PRKG1: variants seen among roughly 807,000 people sequenced by gnomAD.
The protein encoded by PRKG1 is cGMP-dependent protein kinase 1.
A neutral mutation model predicts 88.1 loss-of-function variants in PRKG1; 35 were observed. The ratio of observed to expected loss-of-function variants is 0.40; its 90% CI spans 0.30 to 0.53. PRKG1 has a LOEUF of 0.53. Ranked by LOEUF, PRKG1 falls within the 20% of genes least tolerant of loss-of-function variation. The pLI, the probability that PRKG1 is intolerant of heterozygous loss-of-function variation, is 0.59. For synonymous variants in PRKG1, 303 were observed against 292.5 expected (o/e 1.04, Z -0.37); for missense variants, 540 against 839.8 (o/e 0.64, Z 4.41).
intron 2 of PRKG1, among the ~76,000 whole-genome samples, chr10:51,424,485 G>T (rs1338278817): frequency 2.0e-5 from 3 of 152,038 alleles, no homozygotes; most frequent in African/African-American, 7.2e-5. Flanking sequence ...GTGTTAAAAT[G>T]ATTTGAACTG....
chr10:51,127,299 G>A (rs889761286), intron 1 of PRKG1, among the ~76,000 whole-genome samples: 5 of 151,960 alleles, frequency 3.3e-5, no homozygotes, highest in Non-Finnish European at 7.4e-5. Context: ...GTGGGCAAAG[G>A]ATATGAATAG....
At chr10:51,217,042 T>C (rs374476757) in intron 2 of PRKG1, among the ~76,000 whole-genome samples, 1 of 152,158 alleles carries the variant, frequency 6.6e-6, no homozygotes, top group Non-Finnish European at 1.5e-5. Context: ...CCTGTGCAGA[T>C]AGTCAAATTG....
At chr10:52,154,547 A>T (rs888041780) in intron 8 of PRKG1, among the ~76,000 whole-genome samples, 1 of 152,228 alleles carries the variant, frequency 6.6e-6, no homozygotes, top group African/African-American at 2.4e-5. Flanking sequence ...AATATTTAAG[A>T]TAGAATATTT....
At chr10:52,172,646 T>G (rs930612308) in intron 9 of PRKG1, among the ~76,000 whole-genome samples, 1 of 152,256 alleles carries the variant, frequency 6.6e-6, no homozygotes, top group African/African-American at 2.4e-5. Context: ...CCTTTTCTTC[T>G]TAAGTGAAGG....
At chr10:51,436,662 C>A (rs981945884) in intron 2 of PRKG1, among the ~76,000 whole-genome samples, 1 of 152,028 alleles carries the variant, frequency 6.6e-6, no homozygotes, top group African/African-American at 2.4e-5. Context: ...ATCGCTGTCA[C>A]ATTCTGGATA....
chr10:51,056,764 TA>T (rs1350921126), intron 1 of PRKG1, among the ~76,000 whole-genome samples: 4 of 152,170 alleles, frequency 2.6e-5, no homozygotes, highest in Non-Finnish European at 5.9e-5. Context: ...GTCTGTCTCC[TA>T]TCTGCCTTTC....
intron 4 of PRKG1, among the ~76,000 whole-genome samples, chr10:51,821,451 T>C (rs1257475697): frequency 3.9e-5 from 6 of 152,130 alleles, no homozygotes; most frequent in African/African-American, 9.7e-5. Context: ...GTTGAACTAA[T>C]TTATGCTCCT....
intron 2 of PRKG1, among the ~76,000 whole-genome samples, chr10:51,421,787 C>A (rs2132708203): frequency 6.6e-6 from 1 of 152,134 alleles, no homozygotes; most frequent in East Asian, 1.9e-4. Context: ...GTTATGTTGC[C>A]CACTCATTCT....
intron 3 of PRKG1, among the ~76,000 whole-genome samples, chr10:51,752,454 T>C (rs190681827): frequency 1.3e-5 from 2 of 152,292 alleles, no homozygotes; most frequent in African/African-American, 4.8e-5. Context: ...AAAACTTACA[T>C]AGAATTTTAG....
intron 3 of PRKG1, among the ~76,000 whole-genome samples, chr10:51,472,038 A>C (rs1451771558): frequency 2.0e-5 from 3 of 151,922 alleles, no homozygotes; most frequent in Non-Finnish European, 2.9e-5. Flanking sequence ...AAAAGCCTAC[A>C]AGAAATCTGA....
chr10:51,059,571 A>G (rs1843671524), intron 1 of PRKG1, among the ~76,000 whole-genome samples: 1 of 151,944 alleles, frequency 6.6e-6, no homozygotes, highest in Non-Finnish European at 1.5e-5. Context: ...TTATTTCAAA[A>G]TTTTCAAAAT....
intron 2 of PRKG1, among the ~76,000 whole-genome samples, chr10:51,347,752 C>A (rs914396245): frequency 6.6e-6 from 1 of 151,906 alleles, no homozygotes; most frequent in Non-Finnish European, 1.5e-5. Flanking sequence ...GATTTAGCAC[C>A]GGTTATCAGA....
At chr10:52,078,762 T>C (rs371628043) in intron 7 of PRKG1, among the ~76,000 whole-genome samples, 7 of 152,270 alleles carry the variant, frequency 4.6e-5, no homozygotes, top group African/African-American at 1.7e-4. Flanking sequence ...ATCTTACAGT[T>C]TCTCCTTCTA....
intron 2 of PRKG1, among the ~76,000 whole-genome samples, chr10:51,196,941 T>G (rs763794099): frequency 1.6e-4 from 24 of 152,178 alleles, no homozygotes; most frequent in Non-Finnish European, 3.2e-4. Context: ...TAGAGATATA[T>G]TTCCCTTCTC....
intron 3 of PRKG1, among the ~76,000 whole-genome samples, chr10:51,506,554 C>T (rs1025763798): frequency 1.2e-4 from 18 of 152,260 alleles, no homozygotes; most frequent in Middle Eastern, 3.4e-3. Flanking sequence ...TGAAAAAATG[C>T]TCATCATCAC....
rs557550000 is a variant in PRKG1, at chr10:51,755,489, A to G, written c.593-49096A>G. ...AGATCTGCTGCTAACAGCAATAGCA[A>G]CAGCAGCAGCAGCAACAAACAAACC... On this transcript the variant is annotated intron_variant, in intron 3 of 17. Coordinates refer to ENST00000373980, the MANE Select transcript of PRKG1 (RefSeq NM_006258.4). 1.3e-4 allele frequency among the ~76,000 whole-genome samples: 20 copies of G among 152,310 alleles called. No homozygotes were observed. The South Asian group carries it at 3.7e-3, about 28-fold the overall frequency.
chr10:51,046,071 GC>G (rs898350728), intron 1 of PRKG1, among the ~76,000 whole-genome samples: 2 of 152,210 alleles, frequency 1.3e-5, no homozygotes, highest in African/African-American at 4.8e-5. Context: ...TCTACACCCA[GC>G]CTTAGAAATG....
intron 3 of PRKG1, among the ~76,000 whole-genome samples, chr10:51,475,996 C>T (rs952503802): frequency 6.6e-5 from 10 of 152,000 alleles, no homozygotes; most frequent in Non-Finnish European, 1.0e-4. Flanking sequence ...CATCAAAATA[C>T]ATTTCTCACT....
At chr10:51,298,923 G>A (rs147083028) in intron 2 of PRKG1, among the ~76,000 whole-genome samples, 1 of 152,184 alleles carries the variant, frequency 6.6e-6, no homozygotes, top group Admixed American at 6.5e-5. Context: ...TCATATGGTT[G>A]CATAAATGTG....
Sources: gnomAD v4.1 joint callset for allele counts (sites outside exome capture counted in the v4.1 genomes callset) on GRCh38, gnomAD v4.1.1 for gene constraint, MANE v1.5 for transcripts, NCBI Gene and HGNC (gene_info 2026-07-23, HGNC 2026-07-21) for gene names.